The following MFN1 variants were observed in gnomAD, a reference collection of about 807,000 sequenced individuals.
MFN1 encodes mitofusin 1.
In MFN1, 65 loss-of-function variants were observed where a neutral mutation model predicts 92.4. That is an observed-to-expected ratio of 0.70 (90% CI 0.58 to 0.86). The LOEUF (loss-of-function observed/expected upper bound fraction) is 0.86. Ranked by LOEUF, MFN1 falls within the 40% of genes least tolerant of loss-of-function variation. The probability of loss-of-function intolerance (pLI) is 0.00; values close to 1 mark genes in which losing one functional copy is unlikely to be tolerated. For synonymous variants in MFN1, 297 were observed against 300.9 expected (o/e 0.99, Z 0.13); for missense variants, 781 against 868.0 (o/e 0.90, Z 1.26).
chr3:179,362,419 T>G lies in MFN1; in HGVS notation c.473T>G (p.Val158Gly). 6.2e-7 allele frequency: 1 copy of G among 1,613,852 alleles called. No individual in the cohort carries two copies. The change falls in exon 5 of 18, where the codon GTA (valine) becomes GGA (glycine). Residue 158 changes from valine to glycine, a missense_variant. Val to Gly is a moderately radical substitution (Grantham distance 109). Coordinates refer to ENST00000471841, the MANE Select transcript of MFN1 (RefSeq NM_033540.3). The part of the protein sequence containing the change: ...MDKDLKAGCL[V>G]RVFWPKAKCA... ...AAAGATTTGAAAGCTGGCTGTCTTG[T>G]ACGTGTGTTTTGGCCAAAAGCAAAA...
chr3:179,348,776 G>GGT (rs769978961), intron 1 of MFN1, 69 bp from the exon 2 acceptor site: 1 of 1,560,330 alleles, frequency 6.4e-7, no homozygotes, highest in Admixed American at 1.8e-5. Context: ...GAATGTCACT[G>GGT]GTGTGTCATC....
chr3:179,348,158 C>T (rs954018372), intron 1 of MFN1: 7 of 152,408 alleles, frequency 4.6e-5, no homozygotes, highest in Non-Finnish European at 1.0e-4. Flanking sequence ...GGCGTTACCC[C>T]CACCCGGCTT....
intron 16 of MFN1, among the ~76,000 whole-genome samples, chr3:179,387,970 G>C (rs894699462): frequency 2.0e-5 from 3 of 152,004 alleles, no homozygotes; most frequent in Admixed American, 6.5e-5. Flanking sequence ...CTGACCTCAT[G>C]ATCCACTCGC....
At chr3:179,365,758 T>G (rs1017738628) in intron 7 of MFN1, among the ~76,000 whole-genome samples, 4 of 152,248 alleles carry the variant, frequency 2.6e-5, no homozygotes, top group African/African-American at 9.6e-5. Context: ...CAACTTTATA[T>G]AACAGAATTA....
At chr3:179,349,944 G>A (rs1464749467) in intron 2 of MFN1, among the ~76,000 whole-genome samples, 1 of 152,036 alleles carries the variant, frequency 6.6e-6, no homozygotes, top group Non-Finnish European at 1.5e-5. Flanking sequence ...CTGAGGTTAG[G>A]AGTTCAAGAC....
chr3:179,367,790 G>C (rs1712857429), intron 8 of MFN1, among the ~76,000 whole-genome samples, 198 bp downstream of exon 8: 1 of 151,848 alleles, frequency 6.6e-6, no homozygotes, highest in Admixed American at 6.6e-5. Flanking sequence ...GGGCATGGTG[G>C]TGCACACCTG....
intron 16 of MFN1, among the ~76,000 whole-genome samples, chr3:179,388,149 A>G (rs1358341396): frequency 1.3e-5 from 2 of 151,596 alleles, no homozygotes; most frequent in Non-Finnish European, 2.9e-5. Context: ...TTGGCCTCCC[A>G]AAGTGTTGGG....
chr3:179,385,731 A>C lies in MFN1; in HGVS notation c.1815+10A>C. 1 of 1,611,860 alleles carries C rather than the reference A, an allele frequency of 6.2e-7. No individual in the cohort carries two copies. The highest frequency in any genetic ancestry group is 8.5e-7 in the Non-Finnish European group (1 of 1,179,176). On this transcript the variant is annotated intron_variant, in intron 15 of 17. Coordinates refer to ENST00000471841, the MANE Select transcript of MFN1 (RefSeq NM_033540.3). ...TATTGTTGGAGGAGTGGTAAGAAACATTACTTTTAGTATAATTAAAATCGA... is the reference window on the plus strand; with the variant it reads ...TATTGTTGGAGGAGTGGTAAGAAACCTTACTTTTAGTATAATTAAAATCGA...
Position 179,377,447 on chromosome 3 carries a change from G to T in MFN1, c.1328G>T (p.Ser443Ile). ...PNPDVLKIYKSELNKHIEDGM... is the reference protein window; with the variant it reads ...PNPDVLKIYKIELNKHIEDGM... ...CCAGATGTATTAAAAATATATAAAA[G>T]TGTAAGTTAAAGTATAGATAAAATT... Residue 443 changes from serine (S) to isoleucine (I), a missense_variant and splice_region_variant, in exon 12 of 18, where the codon AGT becomes ATT. Coordinates refer to ENST00000471841, the MANE Select transcript of MFN1 (RefSeq NM_033540.3). 1 of 1,526,336 alleles carries T rather than the reference G, an allele frequency of 6.6e-7. No homozygotes were observed. The highest frequency in any genetic ancestry group is 9.0e-7 in the Non-Finnish European group (1 of 1,109,264). The allele number at this position is 1,526,336 out of a possible 1,614,324, so 94.5% of individuals were successfully genotyped here.
At chr3:179,389,921 GTTC>G (rs111278509) in intron 16 of MFN1, 80 bp from the exon 17 acceptor site, 89 of 1,324,114 alleles carry the variant, frequency 6.7e-5, no homozygotes, top group East Asian at 1.4e-4. Context: ...TAAAACTTGT[GTTC>G]TTCTTTTTAT....
intron 3 of MFN1, among the ~76,000 whole-genome samples, chr3:179,352,868 C>T (rs1169506009): frequency 2.6e-5 from 4 of 151,972 alleles, no homozygotes; most frequent in African/African-American, 7.3e-5. Context: ...TCTCCTGCCT[C>T]AGCCTCCCTA....
intron 17 of MFN1, among the ~76,000 whole-genome samples, chr3:179,390,518 G>A (rs1308541693): frequency 6.6e-6 from 1 of 152,034 alleles, no homozygotes; most frequent in African/African-American, 2.4e-5. Context: ...TTTTCATGGG[G>A]GACTATTGAT....
chr3:179,351,920 C>T lies in MFN1; in HGVS notation c.133C>T (p.Leu45Phe). 6.2e-7 allele frequency: 1 copy of T among 1,605,438 alleles called. No individual in the cohort carries two copies. The highest frequency in any genetic ancestry group is 8.5e-7 in the Non-Finnish European group (1 of 1,174,300). The change falls in exon 3 of 18, where the codon CTT becomes TTT. Residue 45 changes from leucine (L) to phenylalanine (F), a missense_variant. Transcript: ENST00000471841. The stretch of plus-strand genomic sequence containing the variant: ...TGCAGCAACATATAAGAATCCGGAA[C>T]TTGATCGAATAGCCACTGAAGATGA... ...FVEATYKNPE[L>F]DRIATEDDLV... is the part of the protein sequence containing the mutation.
chr3:179,368,042 C>T lies in MFN1; in HGVS notation c.914C>T (p.Ala305Val). 6.4e-7 allele frequency: 1 copy of T among 1,564,368 alleles called. No individual in the cohort carries two copies. Among genetic ancestry groups the T allele is most frequent in the Non-Finnish European group, 8.7e-7 (1 of 1,153,268 alleles). ...CTTTGCCTGTACGTTACAGGTGTGGCACTTGCTGAAGGATTTCATGCAAGA... is the reference window on the plus strand; with the variant it reads ...CTTTGCCTGTACGTTACAGGTGTGGTACTTGCTGAAGGATTTCATGCAAGA... ...KAQGMPESGV[A>V]LAEGFHARLQ... is the part of the protein sequence containing the mutation. The change falls in exon 9 of 18, where the codon GCA (alanine) becomes GTA (valine). Residue 305 changes from alanine (A) to valine (V), a missense_variant. Physicochemically the swap from Ala to Val is moderately conservative, Grantham distance 64. Transcript: ENST00000471841.
At chr3:179,358,214 G>A (rs997225672) in intron 3 of MFN1, among the ~76,000 whole-genome samples, 4 of 146,814 alleles carry the variant, frequency 2.7e-5, no homozygotes, top group Admixed American at 1.4e-4. Context: ...GCAGTGGCGC[G>A]ATCTTGGCTC....
chr3:179,355,307 A>G (rs992267006), intron 3 of MFN1, among the ~76,000 whole-genome samples: 2 of 152,046 alleles, frequency 1.3e-5, no homozygotes, highest in African/African-American at 4.8e-5. Context: ...CCAACCTCCT[A>G]TCTCATTCTG....
intron 3 of MFN1, among the ~76,000 whole-genome samples, chr3:179,353,345 C>A (rs1176229756): frequency 6.6e-6 from 1 of 151,456 alleles, no homozygotes; most frequent in Non-Finnish European, 1.5e-5. Context: ...GGATTACAGG[C>A]GTGAGCCACC....
chr3:179,373,767 G>C lies in MFN1; in HGVS notation c.976-1453G>C, dbSNP rs545803884. Among the ~76,000 whole-genome samples the C allele has an allele frequency of 5.5e-4, 83 of 151,980 alleles. 2 individuals carry two copies. Among genetic ancestry groups the C allele is most frequent in the African/African-American group, 1.7e-3 (72 of 41,516 alleles). On this transcript the variant is annotated intron_variant, in intron 9 of 17. Coordinates refer to ENST00000471841, the MANE Select transcript of MFN1 (RefSeq NM_033540.3). The stretch of plus-strand genomic sequence containing the variant: ...CAGCTCACTGCAAGCTCCACCTTCC[G>C]GGTTCTCGCCATTCTCCTGCCTCAG...
intron 2 of MFN1, among the ~76,000 whole-genome samples, chr3:179,351,041 G>A (rs1489243937): frequency 2.6e-5 from 4 of 152,128 alleles, no homozygotes; most frequent in African/African-American, 9.7e-5. Context: ...CTGACCTCAA[G>A]GGATCTGCCC....
Sources: allele counts gnomAD v4.1 joint callset (sites outside exome capture counted in the v4.1 genomes callset), GRCh38; gene constraint gnomAD v4.1.1; transcripts MANE v1.5; gene names NCBI Gene and HGNC (gene_info 2026-07-23, HGNC 2026-07-21).